The following CYP7B1 variants were observed in gnomAD, a reference collection of about 807,000 sequenced individuals.
CYP7B1 encodes cytochrome P450 7B1.
CYP7B1 carries 29 observed loss-of-function variants against 42.7 expected under a neutral mutation model. The ratio of observed to expected loss-of-function variants is 0.68; its 90% CI spans 0.51 to 0.93. The LOEUF (loss-of-function observed/expected upper bound fraction) is 0.93, where lower values mean the gene tolerates loss of function less well. Among genes scored for constraint, CYP7B1 ranks in the 40% least tolerant of loss-of-function variants. The probability of loss-of-function intolerance (pLI) is 0.00; values close to 1 mark genes in which losing one functional copy is unlikely to be tolerated. For missense variants in CYP7B1, 655 were observed against 600.5 expected (o/e 1.09, Z -0.95); for synonymous variants, 235 against 218.2 (o/e 1.08, Z -0.68).
At chr8:64,588,159 T>C (rs938963288), downstream of CYP7B1, among the ~76,000 whole-genome samples, 29 of 152,204 alleles carry the variant, frequency 1.9e-4, no homozygotes. Context: ...TTTGAAATGC[T>C]ATAGAAGAAT....
At position 64,595,053 on chromosome 8, in the gene CYP7B1, G is replaced by T. The variant is rs1038987840; in HGVS notation, c.*1589C>A. ...TATTGAGTAATTAAACTCACTAACG[G>T]CTATCCGCCCAATAACAACAATGGA... On this transcript the variant is annotated 3_prime_UTR_variant, in exon 6 of 6. Coordinates refer to ENST00000310193, the MANE Select transcript of CYP7B1 (RefSeq NM_004820.5). 6.6e-6 allele frequency among the ~76,000 whole-genome samples: 1 copy of T among 152,308 alleles called. No homozygotes were observed. The highest frequency in any genetic ancestry group is 2.4e-5 in the African/African-American group (1 of 41,568).
At chr8:64,679,306 C>T (rs1806500035) in intron 1 of CYP7B1, among the ~76,000 whole-genome samples, 2 of 152,080 alleles carry the variant, frequency 1.3e-5, no homozygotes, top group South Asian at 4.2e-4. Context: ...TTTCTATCAT[C>T]ACTACTTTAT....
intron 1 of CYP7B1, among the ~76,000 whole-genome samples, chr8:64,634,417 TA>T (rs968011911): frequency 1.1e-3 from 160 of 141,248 alleles, no homozygotes; most frequent in South Asian, 3.1e-3. Flanking sequence ...GAAAAATACA[TA>T]AAAAAAAAAA....
At chr8:64,739,599 GTATCAT>G (rs1807539791) in intron 1 of CYP7B1, among the ~76,000 whole-genome samples, 1 of 152,180 alleles carries the variant, frequency 6.6e-6, no homozygotes, top group African/African-American at 2.4e-5. Context: ...TGTAACAGAT[GTATCAT>G]TAGAATACTA....
chr8:64,673,859 A>C (rs1283763813), intron 1 of CYP7B1, among the ~76,000 whole-genome samples: 1 of 152,158 alleles, frequency 6.6e-6, no homozygotes, highest in Non-Finnish European at 1.5e-5. Flanking sequence ...TCAGAAAATA[A>C]ATAGCCACAG....
Position 64,595,459 on chromosome 8 carries a change from T to C in CYP7B1, c.*1183A>G, listed in dbSNP as rs980465428. Among the ~76,000 whole-genome samples the C allele has an allele frequency of 3.3e-5, 5 of 152,232 alleles. No individual in the cohort carries two copies. Among genetic ancestry groups the C allele is most frequent in the Non-Finnish European group, 7.3e-5 (5 of 68,040 alleles). On this transcript the variant is annotated 3_prime_UTR_variant, in exon 6 of 6. Transcript: ENST00000310193. ...TGCTTATATATTGCATCATCATTTA[T>C]ATCAGATGCCAATCATGTGGTACTC...
At chr8:64,719,116 T>A (rs1239886135) in intron 1 of CYP7B1, among the ~76,000 whole-genome samples, 1 of 152,186 alleles carries the variant, frequency 6.6e-6, no homozygotes, top group African/African-American at 2.4e-5. Flanking sequence ...GCATTTAGAA[T>A]AATAAAAATT....
intron 1 of CYP7B1, among the ~76,000 whole-genome samples, chr8:64,723,358 A>C (rs1056932483): frequency 1.3e-5 from 2 of 152,226 alleles, no homozygotes; most frequent in African/African-American, 2.4e-5. Flanking sequence ...TCTATCAATA[A>C]ATGCCAAAAT....
intron 1 of CYP7B1, among the ~76,000 whole-genome samples, chr8:64,765,906 A>G (rs918579662): frequency 6.6e-6 from 1 of 152,196 alleles, no homozygotes; most frequent in Non-Finnish European, 1.5e-5. Context: ...CCTGATGGCT[A>G]TATTGATGTT....
intron 1 of CYP7B1, among the ~76,000 whole-genome samples, chr8:64,627,859 G>C (rs547758624): frequency 1.3e-5 from 2 of 152,290 alleles, no homozygotes; most frequent in East Asian, 3.9e-4. Flanking sequence ...ACAGAAATCT[G>C]TCTTCATCAG....
chr8:64,793,207 T>G (rs2129728405), intron 1 of CYP7B1, among the ~76,000 whole-genome samples: 1 of 152,326 alleles, frequency 6.6e-6, no homozygotes, highest in East Asian at 1.9e-4. Flanking sequence ...ATAAAATCTG[T>G]TATCACCCCC....
intron 1 of CYP7B1, among the ~76,000 whole-genome samples, chr8:64,735,591 C>T (rs910322789): frequency 6.6e-6 from 1 of 152,160 alleles, no homozygotes; most frequent in African/African-American, 2.4e-5. Context: ...GATTTATTTT[C>T]ATGTATACAT....
At chr8:64,735,884 T>C (rs1328331054) in intron 1 of CYP7B1, among the ~76,000 whole-genome samples, 1 of 152,110 alleles carries the variant, frequency 6.6e-6, no homozygotes, top group African/African-American at 2.4e-5. Flanking sequence ...AAGGTAAAAT[T>C]ATGTTTCTTC....
At chr8:64,711,082 G>C (rs1010345859) in intron 1 of CYP7B1, among the ~76,000 whole-genome samples, 1 of 152,120 alleles carries the variant, frequency 6.6e-6, no homozygotes, top group African/African-American at 2.4e-5. Context: ...TTAGAAGGGG[G>C]AAGAGAGATG....
At chr8:64,633,147 A>C (rs1262424354) in intron 1 of CYP7B1, among the ~76,000 whole-genome samples, 5 of 152,168 alleles carry the variant, frequency 3.3e-5, no homozygotes, top group Non-Finnish European at 7.4e-5. Flanking sequence ...TAAATCCGGT[A>C]CACTATCTAT....
chr8:64,797,070 C>A (rs962201902), intron 1 of CYP7B1, among the ~76,000 whole-genome samples: 10 of 152,128 alleles, frequency 6.6e-5, no homozygotes, highest in African/African-American at 2.4e-4. Flanking sequence ...AAGGAATTGG[C>A]AGTTGATGGC....
chr8:64,739,716 A>C (rs1807541437), intron 1 of CYP7B1, among the ~76,000 whole-genome samples: 2 of 152,376 alleles, frequency 1.3e-5, no homozygotes, highest in South Asian at 4.1e-4. Flanking sequence ...CAGAAAATTC[A>C]AAGAGCACCA....
Position 64,590,923 on chromosome 8 carries a change from T to A in CYP7B1, c.*5719A>T, listed in dbSNP as rs1805025166. ...ATTAAGTATTAGACTTGCAAAGCAC[T>A]TGCATTTCTTATCTGACATCTTTTA... On this transcript the variant is annotated 3_prime_UTR_variant, in exon 6 of 6. Coordinates refer to ENST00000310193, the MANE Select transcript of CYP7B1 (RefSeq NM_004820.5). Among the ~76,000 whole-genome samples the A allele has an allele frequency of 6.6e-6, 1 of 152,314 alleles. No individual in the cohort carries two copies. Among genetic ancestry groups the A allele is most frequent in the Admixed American group, 6.5e-5 (1 of 15,302 alleles).
At position 64,594,178 on chromosome 8, in the gene CYP7B1, T is replaced by C. The variant is rs755385628; in HGVS notation, c.*2464A>G. Among the ~76,000 whole-genome samples the C allele has an allele frequency of 1.2e-4, 19 of 152,100 alleles. No homozygotes were observed. Among genetic ancestry groups the C allele is most frequent in the Non-Finnish European group, 2.6e-4 (18 of 68,026 alleles). On this transcript the variant is annotated 3_prime_UTR_variant, in exon 6 of 6. Coordinates refer to ENST00000310193, the MANE Select transcript of CYP7B1 (RefSeq NM_004820.5). The stretch of plus-strand genomic sequence containing the variant: ...CCTGGGCTGAGATGGTTAGGCACAG[T>C]AGTGTGAGGATAGGTGATGGAAAAG...
Sources: gnomAD v4.1 joint callset for allele counts (sites outside exome capture counted in the v4.1 genomes callset) on GRCh38, gnomAD v4.1.1 for gene constraint, MANE v1.5 for transcripts, NCBI Gene and HGNC (gene_info 2026-07-23, HGNC 2026-07-21) for gene names.